MRPL37: variants seen among roughly 807,000 people sequenced by gnomAD.
MRPL37 encodes the protein mitochondrial ribosomal protein L37.
In MRPL37, 34 loss-of-function variants were observed where a neutral mutation model predicts 44.1. The observed-to-expected ratio is 0.77, with a 90% confidence interval of 0.59 to 1.03. The LOEUF (loss-of-function observed/expected upper bound fraction) is 1.03. Among genes scored for constraint, MRPL37 ranks in the 50% least tolerant of loss-of-function variants. The probability of loss-of-function intolerance (pLI) is 0.00; values close to 1 mark genes in which losing one functional copy is unlikely to be tolerated. For synonymous variants in MRPL37, 212 were observed against 219.5 expected, an observed-to-expected ratio of 0.97 and a Z score of 0.30; for missense variants, 532 against 543.7, an observed-to-expected ratio of 0.98 and a Z score of 0.21.
chr1:54,221,012 T>C (rs545703227), downstream of MRPL37: 26 of 365,290 alleles, frequency 7.1e-5, no homozygotes, highest in Non-Finnish European at 1.4e-4. Context: ...TCCCCTCCTG[T>C]ATTCCAGCTG....
chr1:54,217,533 G>T (rs1644206458), intron 6 of MRPL37, among the ~76,000 whole-genome samples: 1 of 152,206 alleles, frequency 6.6e-6, no homozygotes, highest in Non-Finnish European at 1.5e-5. Flanking sequence ...CTGGGCTCCA[G>T]CCCGATCTTG....
downstream of MRPL37, chr1:54,218,425 CA>C: frequency 1.4e-6 from 2 of 1,452,494 alleles, no homozygotes; most frequent in East Asian, 4.8e-5. Flanking sequence ...AGGGCGCCCA[CA>C]CAAGTCCAAG....
chr1:54,213,493 G>T (rs1407644108), intron 5 of MRPL37, among the ~76,000 whole-genome samples: 4 of 152,216 alleles, frequency 2.6e-5, no homozygotes, highest in Admixed American at 1.3e-4. Context: ...AATGGATAGG[G>T]AGTGGAATGG....
downstream of MRPL37, among the ~76,000 whole-genome samples, chr1:54,224,512 G>C (rs770650931): frequency 6.6e-6 from 1 of 152,228 alleles, no homozygotes. Flanking sequence ...GAGAACAGAA[G>C]TATCAACTAA....
At chr1:54,209,237 C>T (rs759497542) in intron 3 of MRPL37, among the ~76,000 whole-genome samples, 3 of 152,128 alleles carry the variant, frequency 2.0e-5, no homozygotes, top group Non-Finnish European at 2.9e-5. Flanking sequence ...GGGCAGGCTT[C>T]GCTCCCCAGA....
At chr1:54,218,569 G>A (rs756125510), downstream of MRPL37, among the ~76,000 whole-genome samples, 6 of 152,180 alleles carry the variant, frequency 3.9e-5, no homozygotes, top group Non-Finnish European at 5.9e-5. Context: ...CTTACCTGGC[G>A]TTGAAGACTC....
At chr1:54,209,037 G>C (rs1644144930) in intron 3 of MRPL37, among the ~76,000 whole-genome samples, 1 of 152,202 alleles carries the variant, frequency 6.6e-6, no homozygotes, top group Admixed American at 6.5e-5. Context: ...GTCATTTTAA[G>C]GCATTGCTTC....
chr1:54,223,156 T>C (rs966907011), downstream of MRPL37, among the ~76,000 whole-genome samples: 6 of 152,200 alleles, frequency 3.9e-5, no homozygotes, highest in South Asian at 2.1e-4. Flanking sequence ...GTCTGATCTT[T>C]TACATCCAAC....
At chr1:54,214,766 G>C (rs1644186508) in intron 5 of MRPL37, among the ~76,000 whole-genome samples, 5 of 152,220 alleles carry the variant, frequency 3.3e-5, no homozygotes, top group Admixed American at 3.3e-4. Flanking sequence ...GCAATTATGG[G>C]AAGAGCCTCC....
chr1:54,218,493 G>A (rs1221812282), downstream of MRPL37: 8 of 914,418 alleles, frequency 8.7e-6, no homozygotes, highest in Non-Finnish European at 1.2e-5. Flanking sequence ...CCCATGTTGT[G>A]ATCTTAGATA....
chr1:54,219,491 G>A (rs895065804), downstream of MRPL37, among the ~76,000 whole-genome samples: 3 of 152,228 alleles, frequency 2.0e-5, no homozygotes, highest in African/African-American at 4.8e-5. Context: ...TGGGGAGGCC[G>A]GAGGCTTGGC....
In MRPL37 at chr1:54,200,388, G is replaced by C. The variant is rs200221315; in HGVS notation, c.145G>C (p.Val49Leu). 1.3e-5 allele frequency: 21 copies of C among 1,614,144 alleles called. No homozygotes were observed. The Admixed American group carries it at 2.8e-4, about 22-fold the overall frequency. The change falls in exon 1 of 7, where the codon GTG becomes CTG. Residue 49 changes from valine to leucine, a missense_variant. Physicochemically the swap from Val to Leu is conservative, Grantham distance 32 (BLOSUM62 1). Transcript: ENST00000360840. Reference sequence around the variant, plus strand: ...GTCGGAGCCTCCTCCCCTGGATAGGGTGTACGAGATCCCTGGACTGGAGCC... The same window carrying C: ...GTCGGAGCCTCCTCCCCTGGATAGGCTGTACGAGATCCCTGGACTGGAGCC... ...RKSEPPPLDR[V>L]YEIPGLEPIT...
downstream of MRPL37, chr1:54,218,433 C>G: frequency 7.0e-7 from 1 of 1,433,042 alleles, no homozygotes; most frequent in Non-Finnish European, 9.1e-7. Flanking sequence ...CACACAAGTC[C>G]AAGCCCTGGA....
At chr1:54,223,493 A>G (rs1007373290), downstream of MRPL37, among the ~76,000 whole-genome samples, 4 of 152,194 alleles carry the variant, frequency 2.6e-5, no homozygotes, top group East Asian at 5.8e-4. Flanking sequence ...TACCCCCGCT[A>G]GAGCCCTGCT....
chr1:54,213,569 A>T (rs376578964), intron 5 of MRPL37, among the ~76,000 whole-genome samples: 1 of 152,184 alleles, frequency 6.6e-6, no homozygotes, highest in Non-Finnish European at 1.5e-5. Flanking sequence ...TAAAAAAAAA[A>T]ATCAGTGGTT....
chr1:54,200,315 G>C lies in MRPL37; in HGVS notation c.72G>C (p.Gly24=). The change falls in exon 1 of 7, where the codon GGG becomes GGC. Residue 24 remains glycine, a synonymous_variant. Transcript: ENST00000360840. The stretch of plus-strand genomic sequence containing the variant: ...GGCAGCTCGGCCTTGGGGGCTTCGG[G>C]GCCCCGAGACGCGGGGCGTATGAGT... ...GSGQLGLGGF[G]APRRGAYEWG... The C allele has an allele frequency of 6.2e-7, 1 of 1,613,252 alleles. No homozygotes were observed. Among genetic ancestry groups the C allele is most frequent in the Non-Finnish European group, 8.5e-7 (1 of 1,179,772 alleles).
downstream of MRPL37, among the ~76,000 whole-genome samples, chr1:54,222,683 C>G (rs1298944455): frequency 6.6e-6 from 1 of 152,174 alleles, no homozygotes; most frequent in African/African-American, 2.4e-5. Flanking sequence ...TCCATTCATT[C>G]CCTAGATGAT....
downstream of MRPL37, among the ~76,000 whole-genome samples, chr1:54,218,691 G>A (rs1049786921): frequency 6.6e-6 from 1 of 152,152 alleles, no homozygotes; most frequent in Admixed American, 6.5e-5. Context: ...AGAAAATCTC[G>A]CTAGCATATT....
chr1:54,225,361 G>A (rs2100527888), downstream of MRPL37: 1 of 1,234,066 alleles, frequency 8.1e-7, no homozygotes, highest in Middle Eastern at 2.1e-4. Context: ...CTGTGCCCAA[G>A]AAGTCACCTT....
Sources: gnomAD v4.1 joint callset for allele counts (sites outside exome capture counted in the v4.1 genomes callset) on GRCh38, gnomAD v4.1.1 for gene constraint, MANE v1.5 for transcripts, NCBI Gene and HGNC (gene_info 2026-07-23, HGNC 2026-07-21) for gene names.